The following NTRK1 variants were observed in gnomAD, a reference collection of about 807,000 sequenced individuals.
NTRK1 encodes high affinity nerve growth factor receptor.
In NTRK1, 62 loss-of-function variants were observed where a neutral mutation model predicts 86.8. The observed-to-expected ratio is 0.71, with a 90% CI of 0.58 to 0.88. The LOEUF is 0.88. NTRK1 is among the 40% of genes least tolerant of loss of function. NTRK1 has a pLI of 0.00. For missense variants in NTRK1, 967 were observed against 1,078.4 expected, an observed-to-expected ratio of 0.90 and a Z score of 1.45; for synonymous variants, 469 against 456.6, an observed-to-expected ratio of 1.03 and a Z score of -0.35.
At chr1:156,850,530 C>CTTTT (rs1558089282) in intron 2 of NTRK1, among the ~76,000 whole-genome samples, 2 of 107,194 alleles carry the variant, frequency 1.9e-5, no homozygotes, top group African/African-American at 7.7e-5. Flanking sequence ...TAATTTAAAA[C>CTTTT]ATTCTTTTTT....
chr1:156,854,149 G>A lies in NTRK1; in HGVS notation c.51-10205G>A, dbSNP rs149908610. 105 of 1,614,124 alleles carry A rather than the reference G, an allele frequency of 6.5e-5. No homozygotes were observed. In the African/African-American group the frequency reaches 7.1e-4, roughly 11 times the overall value. On this transcript the variant is annotated intron_variant, in intron 2 of 16. Transcript: ENST00000392302. The surrounding 1 kb of genome is among the most constrained non-coding windows in gnomAD (Gnocchi z 4.2). ...AGACACGGAAGAGCAGCAGGTAGTC[G>A]GTGACCTGGGTGAGGCGAGGGAAGC...
chr1:156,881,290 G>C (rs1423060711), intron 16 of NTRK1, among the ~76,000 whole-genome samples, 167 bp from the exon 17 acceptor site: 1 of 152,232 alleles, frequency 6.6e-6, no homozygotes, highest in Non-Finnish European at 1.5e-5. Context: ...TGTCAGAGCA[G>C]AAATGAATCC....
At chr1:156,836,213 A>C (rs1277601535) in intron 1 of NTRK1, among the ~76,000 whole-genome samples, 2 of 152,150 alleles carry the variant, frequency 1.3e-5, no homozygotes, top group African/African-American at 4.8e-5. Context: ...ATGACTGAGC[A>C]GAAAGTCCCC....
intron 1 of NTRK1, chr1:156,841,964 T>C (rs1654806896): frequency 6.4e-7 from 1 of 1,554,812 alleles, no homozygotes; most frequent in African/African-American, 1.4e-5. Context: ...CCCTCTGCCC[T>C]TGGACAAGAG....
intron 2 of NTRK1, chr1:156,846,825 G>C: frequency 2.4e-6 from 3 of 1,259,616 alleles, no homozygotes; most frequent in Non-Finnish European, 3.5e-6. Flanking sequence ...CCCCCGCTCT[G>C]AATCACCCCA....
intron 1 of NTRK1, chr1:156,841,952 ACCCCTC>A: frequency 5.2e-6 from 8 of 1,546,610 alleles, no homozygotes; most frequent in Non-Finnish European, 7.1e-6. Flanking sequence ...TCCCATCCAA[ACCCCTC>A]TGCCCTTGGA....
chr1:156,871,139 T>A (rs978366947), intron 6 of NTRK1, among the ~76,000 whole-genome samples: 2 of 152,296 alleles, frequency 1.3e-5, no homozygotes, highest in South Asian at 4.1e-4. Flanking sequence ...GTGTACAAAT[T>A]TGGTACTTGG....
intron 6 of NTRK1, among the ~76,000 whole-genome samples, 199 bp from the exon 7 acceptor site, chr1:156,871,424 C>A (rs1368923450): frequency 6.6e-6 from 1 of 152,114 alleles, no homozygotes; most frequent in African/African-American, 2.4e-5. Flanking sequence ...AAAATGTGAT[C>A]CAGGAGATAG....
intron 2 of NTRK1, chr1:156,844,228 C>G (rs763667728): frequency 1.2e-6 from 2 of 1,613,884 alleles, no homozygotes; most frequent in Non-Finnish European, 8.5e-7. Context: ...GCAGCGTGAG[C>G]CCCACAGGGG....
chr1:156,858,737 A>G (rs1655501347), upstream of NTRK1: 3 of 800,998 alleles, frequency 3.7e-6, no homozygotes, highest in African/African-American at 3.4e-5. Flanking sequence ...GAGGGAGGGC[A>G]GGGGCAGAGA....
At chr1:156,835,975 TTC>T (rs1474447792) in intron 1 of NTRK1, among the ~76,000 whole-genome samples, 2 of 152,178 alleles carry the variant, frequency 1.3e-5, no homozygotes, top group Non-Finnish European at 2.9e-5. Flanking sequence ...TGCTGACAAC[TTC>T]TGTCCTTTTT....
In NTRK1 at chr1:156,879,335, G is replaced by A. The variant is rs1553262978; in HGVS notation, c.2019G>A (p.Arg673=). 6.2e-7 allele frequency: 1 copy of A among 1,609,766 alleles called. No homozygotes were observed. Among genetic ancestry groups the A allele is most frequent in the Non-Finnish European group, 8.5e-7 (1 of 1,180,000 alleles). Residue 673 remains arginine, a synonymous_variant, in exon 15 of 17, where the codon AGG becomes AGA. Coordinates refer to ENST00000524377, the MANE Select transcript of NTRK1 (RefSeq NM_002529.4). Reference sequence around the variant, plus strand: ...AGATTGGTGATTTTGGCATGAGCAGGGATATCTACAGCACCGACTATTACC... The same window carrying A: ...AGATTGGTGATTTTGGCATGAGCAGAGATATCTACAGCACCGACTATTACC... The part of the protein sequence containing the change: ...VVKIGDFGMS[R]DIYSTDYYRV...
chr1:156,828,079 T>C (rs1259859974), intron 1 of NTRK1, among the ~76,000 whole-genome samples: 2 of 152,166 alleles, frequency 1.3e-5, no homozygotes, highest in South Asian at 2.1e-4. Context: ...TCCCAAAGTG[T>C]TGGGATTCCA....
Position 156,854,334 on chromosome 1 carries a change from T to C in NTRK1, c.51-10020T>C. The C allele has an allele frequency of 6.4e-7, 1 of 1,568,838 alleles. No individual in the cohort carries two copies. Among genetic ancestry groups the C allele is most frequent in the Non-Finnish European group, 8.6e-7 (1 of 1,157,978 alleles). On this transcript the variant is annotated intron_variant, in intron 2 of 16. Transcript: ENST00000392302. This position sits in a 1 kb window ranked among gnomAD's most constrained non-coding sequence, Gnocchi z 4.2. ...GGCATACACGGCACGCAGCATTGAG[T>C]ACAGCCCAGGCCAAATTCCCCATCC...
At position 156,873,924 on chromosome 1, in the gene NTRK1, A is replaced by C. The variant is rs771486457; in HGVS notation, c.1142A>C (p.Asn381Thr). The change falls in exon 8 of 17, where the codon AAC (asparagine) becomes ACC (threonine). Residue 381 changes from asparagine to threonine, a missense_variant. Physicochemically the swap from Asn to Thr is moderately conservative, Grantham distance 65. Coordinates refer to ENST00000524377, the MANE Select transcript of NTRK1 (RefSeq NM_002529.4). ...TCCATCATGGCTGCCTTCATGGACA[A>C]CCCTTTCGAGTTCAACCCCGAGGAC... ...SASIMAAFMD[N>T]PFEFNPEDPI... The C allele has an allele frequency of 6.4e-7, 1 of 1,560,320 alleles. No homozygotes were observed. The highest frequency in any genetic ancestry group is 8.7e-7 in the Non-Finnish European group (1 of 1,151,590).
chr1:156,838,294 G>A, intron 1 of NTRK1, among the ~76,000 whole-genome samples: 1 of 152,008 alleles, frequency 6.6e-6, no homozygotes, highest in East Asian at 1.9e-4. Context: ...CTGCCACAAG[G>A]CCACAGGGAC....
At chr1:156,862,120 T>C (rs1655680322) in intron 1 of NTRK1, among the ~76,000 whole-genome samples, 1 of 152,190 alleles carries the variant, frequency 6.6e-6, no homozygotes, top group Admixed American at 6.5e-5. Context: ...ACAAGGAACC[T>C]TGGCCTTGTG....
At chr1:156,847,102 C>T (rs1030657884) in intron 2 of NTRK1, among the ~76,000 whole-genome samples, 5 of 152,158 alleles carry the variant, frequency 3.3e-5, no homozygotes, top group South Asian at 2.1e-4. Context: ...TAAGGTTATC[C>T]TAATTCCCCT....
At chr1:156,817,063 C>CTCTCTCTCTCTCTCTCTCTG (rs1489769883) in intron 1 of NTRK1, among the ~76,000 whole-genome samples, 2 of 151,508 alleles carry the variant, frequency 1.3e-5, no homozygotes, top group East Asian at 3.9e-4. Context: ...CTCTCTCTCT[C>CTCTCTCTCTCTCTCTCTCTG]TCTCTCTCTC....
Sources: gnomAD v4.1 joint callset for allele counts (sites outside exome capture counted in the v4.1 genomes callset) on GRCh38, gnomAD v4.1.1 for gene constraint, Gnocchi (gnomAD v3.1) non-coding constraint, MANE v1.5 for transcripts, NCBI Gene and HGNC (gene_info 2026-07-23, HGNC 2026-07-21) for gene names.